The following ZSWIM5 variants were observed in gnomAD, a reference collection of about 807,000 sequenced individuals.
ZSWIM5 encodes the protein zinc finger SWIM-type containing 5, also known as zinc finger SWIM domain-containing protein 5.
Under a neutral mutation model 119.6 loss-of-function variants are expected in ZSWIM5, and 55 were observed. The ratio of observed to expected loss-of-function variants is 0.46; its 90% CI spans 0.37 to 0.58. The LOEUF (loss-of-function observed/expected upper bound fraction) is 0.58, where lower values mean the gene tolerates loss of function less well. Ranked by LOEUF, ZSWIM5 falls within the 20% of genes least tolerant of loss-of-function variation. The pLI is 0.00. For synonymous variants in ZSWIM5, 537 were observed against 606.9 expected (o/e 0.88, Z 1.69); for missense variants, 1,193 against 1,512.8 (o/e 0.79, Z 3.51).
At position 45,035,928 on chromosome 1, in the gene ZSWIM5, C is replaced by G. The variant is rs973725264; in HGVS notation, c.2156-105G>C. 4 of 1,572,102 alleles carry G rather than the reference C, an allele frequency of 2.5e-6. No homozygotes were observed. In the African/African-American group the frequency reaches 4.1e-5, roughly 16 times the overall value. ...CATGTTTGCTAATCATGGGAACCTT[C>G]ATTCACTACATTTTAATGTCATAAA... On this transcript the variant is annotated intron_variant, in intron 9 of 13. Coordinates refer to ENST00000359600, the MANE Select transcript of ZSWIM5 (RefSeq NM_020883.2).
chr1:45,035,731 G>T lies in ZSWIM5; in HGVS notation c.2248C>A (p.His750Asn), dbSNP rs1159986867. ...AKYLFSALLP[H>N]DPDLSYKLAL... ...AATTTATAGGACAGGTCTGGATCATGAGGCAGCAGAGCTGAGAACAAATAC... is the reference window on the plus strand; with the variant it reads ...AATTTATAGGACAGGTCTGGATCATTAGGCAGCAGAGCTGAGAACAAATAC... Residue 750 changes from histidine to asparagine, a missense_variant, in exon 10 of 14, where the codon CAT becomes AAT. Transcript: ENST00000359600. The T allele has an allele frequency of 2.5e-6, 4 of 1,614,040 alleles. No individual in the cohort carries two copies. The highest frequency in any genetic ancestry group is 3.4e-6 in the Non-Finnish European group (4 of 1,180,022).
chr1:45,167,110 G>T (rs1645910149), intron 1 of ZSWIM5, among the ~76,000 whole-genome samples: 2 of 152,040 alleles, frequency 1.3e-5, no homozygotes, highest in South Asian at 2.1e-4. Context: ...GCATGGTACT[G>T]GTACCAAAAC....
intron 1 of ZSWIM5, among the ~76,000 whole-genome samples, chr1:45,092,538 A>ACCCCC (rs761534239): frequency 1.6e-4 from 9 of 57,430 alleles, no homozygotes; most frequent in Admixed American, 4.8e-4. Flanking sequence ...CTCGTGATCC[A>ACCCCC]CCCCCCCCCC....
At position 45,163,529 on chromosome 1, in the gene ZSWIM5, G is replaced by C. The variant is rs192964672; in HGVS notation, c.595+42227C>G. ...GATCGGTAATAACAAACTTCTCCGA[G>C]CTAAAGGAGGATGTTCGAACCCATC... is the stretch of plus-strand genomic sequence containing the variant. On this transcript the variant is annotated intron_variant, in intron 1 of 13. Transcript: ENST00000359600. 3.0e-3 allele frequency among the ~76,000 whole-genome samples: 461 copies of C among 152,302 alleles called. 2 individuals carry two copies. The highest frequency in any genetic ancestry group is 6.8e-3 in the Middle Eastern group (2 of 294).
intron 1 of ZSWIM5, among the ~76,000 whole-genome samples, chr1:45,099,761 C>T (rs1645426835): frequency 6.6e-6 from 1 of 152,156 alleles, no homozygotes; most frequent in Non-Finnish European, 1.5e-5. Flanking sequence ...AATCAATAAA[C>T]ATAATCCGTC....
At chr1:45,148,944 A>G (rs980605792) in intron 1 of ZSWIM5, among the ~76,000 whole-genome samples, 3 of 152,204 alleles carry the variant, frequency 2.0e-5, no homozygotes, top group Middle Eastern at 3.2e-3. Flanking sequence ...GCTTAAGGGA[A>G]TAACAACAAC....
intron 1 of ZSWIM5, among the ~76,000 whole-genome samples, chr1:45,130,349 T>C (rs1645647959): frequency 6.8e-6 from 1 of 146,112 alleles, no homozygotes; most frequent in Admixed American, 7.2e-5. Flanking sequence ...ATTTATAATA[T>C]ACAAAGAACA....
At chr1:45,163,009 A>G (rs1400554915) in intron 1 of ZSWIM5, among the ~76,000 whole-genome samples, 1 of 152,172 alleles carries the variant, frequency 6.6e-6, no homozygotes, top group Admixed American at 6.5e-5. Context: ...CTCAGAACAG[A>G]CAGACTGCCT....
intron 1 of ZSWIM5, among the ~76,000 whole-genome samples, chr1:45,121,602 CTTTTTT>C (rs199811301): frequency 0.067 from 9,142 of 136,446 alleles, 320 homozygotes; most frequent in East Asian, 0.11. Flanking sequence ...TTTTCTTCTT[CTTTTTT>C]TTTTTTTTTT....
chr1:45,188,798 G>A (rs1422752310), intron 1 of ZSWIM5, among the ~76,000 whole-genome samples: 1 of 152,148 alleles, frequency 6.6e-6, no homozygotes, highest in Non-Finnish European at 1.5e-5. Flanking sequence ...TGTTTTGATG[G>A]TGTGCTAGAC....
At chr1:45,046,634 A>ATGTGTG (rs60762459) in intron 5 of ZSWIM5, among the ~76,000 whole-genome samples, 11,400 of 147,412 alleles carry the variant, frequency 0.077, 443 homozygotes, top group Middle Eastern at 0.097. Flanking sequence ...TGGGCAAGAT[A>ATGTGTG]TGTGTGTGTG....
In ZSWIM5 at chr1:45,016,598, A is replaced by C. The variant is rs1362090196; in HGVS notation, c.*1856T>G. The C allele has an allele frequency of 1.3e-5, 2 of 152,230 alleles. No homozygotes were observed. The highest frequency in any genetic ancestry group is 2.9e-5 in the Non-Finnish European group (2 of 68,052). The allele number at this position is 152,230 out of a possible 1,614,324, so 9.4% of individuals were successfully genotyped here. A position where few individuals can be genotyped will look rare whatever the true frequency, so the allele number is the denominator to read the frequency against. On this transcript the variant is annotated 3_prime_UTR_variant, in exon 14 of 14. Transcript: ENST00000359600. Reference sequence around the variant, plus strand: ...ACTTGAGTAGCCACAAATGGCAAATACAACTTCTTGGTCAGTTTGGAGTAA... The same window carrying C: ...ACTTGAGTAGCCACAAATGGCAAATCCAACTTCTTGGTCAGTTTGGAGTAA...
intron 1 of ZSWIM5, among the ~76,000 whole-genome samples, chr1:45,114,643 CTT>C (rs374475671): frequency 6.0e-5 from 8 of 133,772 alleles, no homozygotes; most frequent in Admixed American, 7.5e-5. Context: ...TACTCTGTAT[CTT>C]TTTTTTTTTT....
At chr1:45,163,143 GC>G (rs757274339) in intron 1 of ZSWIM5, among the ~76,000 whole-genome samples, 11 of 152,310 alleles carry the variant, frequency 7.2e-5, no homozygotes, top group Non-Finnish European at 1.5e-4. Context: ...GGATCAGGCA[GC>G]AACATTTGCC....
intron 1 of ZSWIM5, among the ~76,000 whole-genome samples, chr1:45,177,108 C>T (rs1557789449): frequency 6.6e-6 from 1 of 152,044 alleles, no homozygotes; most frequent in Admixed American, 6.6e-5. Flanking sequence ...AAGAGAAGAG[C>T]AGTATCATTG....
intron 1 of ZSWIM5, among the ~76,000 whole-genome samples, chr1:45,149,367 C>T (rs1373282546): frequency 6.6e-6 from 1 of 152,148 alleles, no homozygotes; most frequent in Non-Finnish European, 1.5e-5. Flanking sequence ...CGTTTTCAGG[C>T]TTCATGATAA....
At chr1:45,155,424 G>A (rs1048457882) in intron 1 of ZSWIM5, among the ~76,000 whole-genome samples, 4 of 151,414 alleles carry the variant, frequency 2.6e-5, no homozygotes, top group Admixed American at 2.0e-4. Context: ...TTTCTACATT[G>A]CTGGTGGGAA....
At chr1:45,202,358 T>C (rs1646163189) in intron 1 of ZSWIM5, among the ~76,000 whole-genome samples, 1 of 152,114 alleles carries the variant, frequency 6.6e-6, no homozygotes, top group Non-Finnish European at 1.5e-5. Flanking sequence ...TTATTGATGA[T>C]ATACAAGTGT....
At chr1:45,182,657 A>G (rs940712931) in intron 1 of ZSWIM5, among the ~76,000 whole-genome samples, 21 of 151,640 alleles carry the variant, frequency 1.4e-4, no homozygotes, top group Admixed American at 1.4e-3. Context: ...AAAGAAGTCC[A>G]TTACATAATG....
Sources: gnomAD v4.1 joint callset for allele counts (sites outside exome capture counted in the v4.1 genomes callset) on GRCh38, gnomAD v4.1.1 for gene constraint, MANE v1.5 for transcripts, NCBI Gene and HGNC (gene_info 2026-07-23, HGNC 2026-07-21) for gene names.